Variants in GSDMD observed in about 807,000 individuals in gnomAD.
GSDMD encodes the protein gasdermin-D.
A neutral mutation model predicts 46.7 loss-of-function variants in GSDMD; 46 were observed. That is an observed-to-expected ratio of 0.99 (90% CI 0.78 to 1.26). The LOEUF is 1.26. Ranked by LOEUF, GSDMD falls within the 50% of genes most tolerant of loss-of-function variation. The probability of loss-of-function intolerance (pLI) is 0.00; values close to 1 mark genes in which losing one functional copy is unlikely to be tolerated. For synonymous variants in GSDMD, 307 were observed against 283.1 expected (o/e 1.08, Z -0.85); for missense variants, 649 against 638.8 (o/e 1.02, Z -0.17).
At chr8:143,560,924 G>A (rs1324472857) in intron 4 of GSDMD, 78 bp from the exon 5 acceptor site, 1 of 1,485,588 alleles carries the variant, frequency 6.7e-7, no homozygotes, top group Non-Finnish European at 9.2e-7. Context: ...CGGCGGGCCT[G>A]CCCCCGGCAC....
intron 7 of GSDMD, 42 bp downstream of exon 7, chr8:143,561,870 C>G: frequency 6.2e-7 from 1 of 1,609,686 alleles, no homozygotes; most frequent in Non-Finnish European, 8.5e-7. Flanking sequence ...TTGGTGGGCT[C>G]TCCTGCCCCC....
At chr8:143,560,357 T>G in intron 3 of GSDMD, 2 of 664,518 alleles carry the variant, frequency 3.0e-6, no homozygotes, top group Non-Finnish European at 5.5e-6. Context: ...CAAGGGGTGG[T>G]GTGAACACGG....
chr8:143,562,130 C>T lies in GSDMD; in HGVS notation c.995C>T (p.Ala332Val), dbSNP rs147352021. ...CTGGCCCTGCGAGCCTTGGAGGAGG[C>T]GGTGAGCGGGGGAGGGTGCCCGGGG... ...DQLALRALEE[A>V]LEQGQSLGPV... Residue 332 changes from alanine (A) to valine (V), a missense_variant and splice_region_variant, in exon 8 of 11, where the codon GCG (alanine) becomes GTG (valine). Transcript: ENST00000262580. The T allele has an allele frequency of 1.4e-5, 23 of 1,597,336 alleles. No homozygotes were observed. The East Asian group carries it at 2.0e-4, about 14-fold the overall frequency.
In GSDMD at chr8:143,560,619, G is replaced by A. The variant is rs1179622366; in HGVS notation, c.427G>A (p.Glu143Lys). The change falls in exon 4 of 11, where the codon GAA (glutamate) becomes AAA (lysine). Residue 143 changes from glutamate (E) to lysine (K), a missense_variant. Physicochemically the swap from Glu to Lys is moderately conservative, Grantham distance 56. Transcript: ENST00000262580. ...LLHERHLRQPEHKVLQQLRSR... is the reference protein window; with the variant it reads ...LLHERHLRQPKHKVLQQLRSR... ...CGGACACAGGCACCTGCGGCAGCCA[G>A]AACACAAAGTCCTGCAGCAGCTGCG... 6.3e-7 allele frequency: 1 copy of A among 1,587,206 alleles called. No individual in the cohort carries two copies. Among genetic ancestry groups the A allele is most frequent in the South Asian group, 1.1e-5 (1 of 87,574 alleles).
intron 2 of GSDMD, 89 bp from the exon 3 acceptor site, chr8:143,559,688 G>A: frequency 6.9e-7 from 1 of 1,458,308 alleles, no homozygotes; most frequent in South Asian, 1.3e-5. Context: ...CTTTCCAAAG[G>A]TCCCTCTGCC....
upstream of GSDMD, among the ~76,000 whole-genome samples, chr8:143,555,549 A>G (rs554543170): frequency 1.3e-5 from 2 of 152,276 alleles, no homozygotes; most frequent in Admixed American, 6.5e-5. Context: ...GTGGCCTTGC[A>G]GGGATGCTGT....
intron 10 of GSDMD, 35 bp downstream of exon 10, chr8:143,562,556 G>A: frequency 6.2e-7 from 1 of 1,601,368 alleles, no homozygotes; most frequent in South Asian, 1.1e-5. Context: ...AGGAGGATGG[G>A]CTGAGCCAGT....
chr8:143,553,471 A>C (rs1357030968), upstream of GSDMD: 2 of 146,284 alleles, frequency 1.4e-5, no homozygotes, highest in Admixed American at 1.3e-4. Context: ...GCCCCCCAGG[A>C]CCTGCGCGGA....
upstream of GSDMD, among the ~76,000 whole-genome samples, chr8:143,557,686 G>A (rs1284833660): frequency 6.6e-6 from 1 of 152,246 alleles, no homozygotes; most frequent in African/African-American, 2.4e-5. Context: ...AAATGTTCCA[G>A]TGACTCCACG....
At chr8:143,553,856 G>C (rs1279464121), upstream of GSDMD, 4 of 146,830 alleles carry the variant, frequency 2.7e-5, no homozygotes, top group African/African-American at 9.7e-5. Context: ...CGCAGACGGC[G>C]CCTGCTTGGC....
At chr8:143,554,706 TACAA>T (rs1305073492), upstream of GSDMD, among the ~76,000 whole-genome samples, 84 of 144,446 alleles carry the variant, frequency 5.8e-4, no homozygotes, top group Admixed American at 1.4e-3. Context: ...AGCACCCGCA[TACAA>T]ACAGGCACAC....
In GSDMD at chr8:143,561,625, G is replaced by A. The variant is rs73715682; in HGVS notation, c.737-117G>A. On this transcript the variant is annotated intron_variant, in intron 6 of 10. Coordinates refer to ENST00000262580, the MANE Select transcript of GSDMD (RefSeq NM_024736.7). ...CCAGCCTCCCTTCCTGCCCTGGGCT[G>A]CCAGTGTTGGCAGTGGTGAGCGGGG... 6,015 of 976,652 alleles carry A rather than the reference G, an allele frequency of 6.2e-3. 191 individuals carry two copies. In the African/African-American group the frequency reaches 0.078, roughly 13 times the overall value. The allele number at this position is 976,652 out of a possible 1,614,324, so 60.5% of individuals were successfully genotyped here.
intron 6 of GSDMD, 96 bp from the exon 7 acceptor site, chr8:143,561,646 C>T (rs1474796362): frequency 1.1e-5 from 12 of 1,098,916 alleles, no homozygotes; most frequent in East Asian, 7.8e-5. Context: ...CAGTGGTGAG[C>T]GGGGCTGTGA....
rs1380009948 is a variant in GSDMD at position 143,562,747 on chromosome 8, G to T, written c.1298G>T (p.Gly433Val). The T allele has an allele frequency of 6.3e-7, 1 of 1,586,496 alleles. No individual in the cohort carries two copies. Among genetic ancestry groups the T allele is most frequent in the Non-Finnish European group, 8.6e-7 (1 of 1,166,484 alleles). The change falls in exon 11 of 11, where the codon GGC becomes GTC. Residue 433 changes from glycine to valine, a missense_variant. By Grantham distance (109) the Gly-to-Val change is moderately radical. Transcript: ENST00000262580. Reference protein sequence around the residue: ...LPPGLLGNSWGEGAPAWVLLD... With the variant: ...LPPGLLGNSWVEGAPAWVLLD... Reference sequence around the variant, plus strand: ...CCCGGGCTCCTGGGGAACAGCTGGGGCGAAGGAGCACCGGCCTGGGTCTTG... The same window carrying T: ...CCCGGGCTCCTGGGGAACAGCTGGGTCGAAGGAGCACCGGCCTGGGTCTTG...
rs370341026 is a variant in GSDMD at position 143,561,357 on chromosome 8, G to A, written c.683-13G>A. 325 of 1,600,434 alleles carry A rather than the reference G, an allele frequency of 2.0e-4. 7 individuals are homozygous for A. In the South Asian group the frequency reaches 2.1e-3, roughly 11 times the overall value. ...GACATGCCTGTCCCTGTCTGCTCCC[G>A]TCTGGCTGCCAGACGTCCTTCTCTT... On this transcript the variant is annotated splice_polypyrimidine_tract_variant and intron_variant, in intron 5 of 10. Transcript: ENST00000262580.
rs762126454 is a variant in GSDMD, at chr8:143,560,712, C to T, written c.520C>T (p.Arg174Cys). The change falls in exon 4 of 11, where the codon CGC (arginine) becomes TGC (cysteine). Residue 174 changes from arginine (R) to cysteine (C), a missense_variant. By Grantham distance (180) the Arg-to-Cys change is radical. Coordinates refer to ENST00000262580, the MANE Select transcript of GSDMD (RefSeq NM_024736.7). Reference protein sequence around the residue: ...LQTQKEVEVTRTHKREGSGRF... With the variant: ...LQTQKEVEVTCTHKREGSGRF... ...GACACAGAAGGAGGTGGAAGTCACG[C>T]GCACCCACAAGCGGGAGGGCTCGGG... 1.5e-5 allele frequency: 23 copies of T among 1,577,532 alleles called. No homozygotes were observed. The highest frequency in any genetic ancestry group is 4.6e-5 in the South Asian group (4 of 86,628).
Position 143,562,215 on chromosome 8 carries a change from CAGGG to C in GSDMD, c.1004_1007del (p.Gln335ProfsTer43). The C allele has an allele frequency of 2.5e-6, 4 of 1,576,078 alleles. No individual in the cohort carries two copies. The highest frequency in any genetic ancestry group is 2.6e-6 in the Non-Finnish European group (3 of 1,166,458). On this transcript the variant is annotated frameshift_variant, in exon 9 of 11. Coordinates refer to ENST00000262580, the MANE Select transcript of GSDMD (RefSeq NM_024736.7). LOFTEE classifies it high-confidence loss of function. ...GCCCTTCCCGTGCCCACAGCTGGAG[CAGGG>C]CCAGAGCCTTGGGCCGGTGGAGCCC...
chr8:143,558,291 C>T (rs867700772), upstream of GSDMD: 67 of 1,467,730 alleles, frequency 4.6e-5, 1 homozygote, highest in Middle Eastern at 1.1e-3. Flanking sequence ...GGGGCCGGGG[C>T]GGGCTCTCCG....
Position 143,562,724 on chromosome 8 carries a change from C to T in GSDMD, c.1275C>T (p.Pro425=), listed in dbSNP as rs766458292. The T allele has an allele frequency of 4.4e-6, 7 of 1,591,894 alleles. No individual in the cohort carries two copies. Among genetic ancestry groups the T allele is most frequent in the South Asian group, 1.1e-5 (1 of 88,408 alleles). The change falls in exon 11 of 11, where the codon CCC becomes CCT. Residue 425 remains proline, a synonymous_variant. Coordinates refer to ENST00000262580, the MANE Select transcript of GSDMD (RefSeq NM_024736.7). The part of the protein sequence containing the change: ...WQERSTMSLP[P]GLLGNSWGEG... ...AGCGCAGCACCATGTCCCTGCCCCC[C>T]GGGCTCCTGGGGAACAGCTGGGGCG... is the stretch of plus-strand genomic sequence containing the variant.
Sources: gnomAD v4.1 joint callset for allele counts (sites outside exome capture counted in the v4.1 genomes callset) on GRCh38, gnomAD v4.1.1 for gene constraint, MANE v1.5 for transcripts, NCBI Gene and HGNC (gene_info 2026-07-23, HGNC 2026-07-21) for gene names.